TTN: variants seen among roughly 807,000 people sequenced by gnomAD.
The protein encoded by TTN is connectin.
TTN carries 1,525 observed loss-of-function variants against 3,223.0 expected under a neutral mutation model. That is an observed-to-expected ratio of 0.47 (90% confidence interval 0.45 to 0.49). The LOEUF (loss-of-function observed/expected upper bound fraction) is 0.49, where lower values mean the gene tolerates loss of function less well. TTN is among the 20% of genes least tolerant of loss of function. The pLI is 0.00. For synonymous variants in TTN, 14,094 were observed against 15,161.0 expected (o/e 0.93, Z 5.17); for missense variants, 40,786 against 43,424.0 (o/e 0.94, Z 5.40).
At position 178,531,804 on chromosome 2, in the gene TTN, T is replaced by C; in HGVS notation, c.104811A>G (p.Thr34937=). Residue 34937 remains threonine, a synonymous_variant, in exon 358 of 363, where the codon ACA becomes ACG. Coordinates refer to ENST00000589042, the MANE Select transcript of TTN (RefSeq NM_001267550.2). ...GTGTGATTCGAGGGGCATGGTCCAG[T>C]GTGAAAGGCTGCTGACTCAAAACTT... The part of the protein sequence containing the change: ...KYEVLSQQPF[T]LDHAPRITLR... 6.2e-7 allele frequency: 1 copy of C among 1,614,004 alleles called. No homozygotes were observed.
rs746052197 is a variant in TTN at position 178,757,892 on chromosome 2, G to A, written c.10328C>T (p.Thr3443Ile). The A allele has an allele frequency of 6.6e-6, 10 of 1,522,496 alleles. No individual in the cohort carries two copies. Among genetic ancestry groups the A allele is most frequent in the Non-Finnish European group, 7.9e-6 (9 of 1,137,730 alleles). The allele number at this position is 1,522,496 out of a possible 1,614,324, so 94.3% of individuals were successfully genotyped here. Residue 3443 changes from threonine (T) to isoleucine (I), a missense_variant, in exon 45 of 363, where the codon ACA becomes ATA. Thr to Ile is a moderately conservative substitution (Grantham distance 89). Transcript: ENST00000589042. Reference sequence around the variant, plus strand: ...AGAGACATGCCATTGGGAGTTTGATGTATTTTCTTCAAATTTGCTAAATCC... The same window carrying A: ...AGAGACATGCCATTGGGAGTTTGATATATTTTCTTCAAATTTGCTAAATCC... The part of the protein sequence containing the change: ...LEGFSKFEEN[T>I]SNSQWHVSLS...
chr2:178,734,749 C>T lies in TTN; in HGVS notation c.15175G>A (p.Asp5059Asn), dbSNP rs770418360. 1.4e-5 allele frequency: 23 copies of T among 1,612,792 alleles called. No individual in the cohort carries two copies. In the Admixed American group the frequency reaches 3.8e-4, roughly 27 times the overall value. ...GTACTGCAGCTATCACTGCCGACGT[C>T]ATTCACTGCTTCACATGAGTAACTC... ...SGSYSCEAVN[D>N]VGSDSCSTEI... The change falls in exon 51 of 363, where the codon GAC becomes AAC. Residue 5059 changes from aspartate to asparagine, a missense_variant. Physicochemically the swap from Asp to Asn is conservative, Grantham distance 23. Coordinates refer to ENST00000589042, the MANE Select transcript of TTN (RefSeq NM_001267550.2).
intron 142 of TTN, 25 bp downstream of exon 142, chr2:178,679,314 C>T: frequency 6.2e-7 from 1 of 1,609,428 alleles, no homozygotes; most frequent in Admixed American, 1.7e-5. Context: ...TCATGCTATT[C>T]CACTGATGGA....
rs896263032 is a variant in TTN at position 178,633,563 on chromosome 2, C to T, written c.42796G>A (p.Gly14266Ser). The T allele has an allele frequency of 1.2e-6, 2 of 1,613,252 alleles. No homozygotes were observed. The highest frequency in any genetic ancestry group is 1.7e-6 in the Non-Finnish European group (2 of 1,179,616). Residue 14266 changes from glycine to serine, a missense_variant, in exon 232 of 363, where the codon GGT becomes AGT. Physicochemically the swap from Gly to Ser is moderately conservative, Grantham distance 56. Transcript: ENST00000589042. Reference protein sequence around the residue: ...KDVPVKWFKDGEEIVPSPKYS... With the variant: ...KDVPVKWFKDSEEIVPSPKYS... The stretch of plus-strand genomic sequence containing the variant: ...TTGGGTGAAGGGACAATCTCTTCAC[C>T]ATCTTTGAACCATTTCACTGGTACA...
In TTN at chr2:178,543,336, C is replaced by T. The variant is rs764561909; in HGVS notation, c.96637G>A (p.Asp32213Asn). The change falls in exon 347 of 363, where the codon GAT becomes AAT. Residue 32213 changes from aspartate (D) to asparagine (N), a missense_variant. Transcript: ENST00000589042. Reference sequence around the variant, plus strand: ...AGGGTAACAGTGGATTTGGTGACATCGACCACTTCTAGCTTTGCAGGCACC... The same window carrying T: ...AGGGTAACAGTGGATTTGGTGACATTGACCACTTCTAGCTTTGCAGGCACC... ...PLVPAKLEVV[D>N]VTKSTVTLAW... The T allele has an allele frequency of 7.1e-5, 115 of 1,613,710 alleles. No homozygotes were observed. Among genetic ancestry groups the T allele is most frequent in the South Asian group, 1.1e-4 (10 of 91,084 alleles).
intron 125 of TTN, 48 bp downstream of exon 125, chr2:178,689,003 ATT>A (rs35770337): frequency 0.14 from 136,271 of 968,308 alleles, 9 homozygotes; most frequent in Non-Finnish European, 0.16. Context: ...ACACTCGAAG[ATT>A]TTTTTTTTTT....
intron 251 of TTN, 23 bp downstream of exon 251, chr2:178,618,561 G>A (rs1159466405): frequency 6.2e-6 from 10 of 1,608,294 alleles, no homozygotes; most frequent in Admixed American, 1.7e-5. Context: ...TGCCAATTAA[G>A]TCTGAGAGAC....
rs2063962357 is a variant in TTN, at chr2:178,657,590, A to ATAT, written c.37955-12_37955-10dup. 6.5e-7 allele frequency: 1 copy of ATAT among 1,547,562 alleles called. No individual in the cohort carries two copies. The highest frequency in any genetic ancestry group is 8.6e-7 in the Non-Finnish European group (1 of 1,156,380). ...TTTGGGAGCCTCTGGCACTTAAAAG[A>ATAT]TATTAGTAAAGTTACATGTGGAGCT... On this transcript the variant is annotated splice_polypyrimidine_tract_variant and intron_variant, in intron 188 of 362. Coordinates refer to ENST00000589042, the MANE Select transcript of TTN (RefSeq NM_001267550.2).
Position 178,799,881 on chromosome 2 carries a change from T to C in TTN, c.613A>G (p.Lys205Glu), listed in dbSNP as rs763768455. 4.3e-6 allele frequency: 7 copies of C among 1,614,144 alleles called. No homozygotes were observed. The highest frequency in any genetic ancestry group is 5.1e-6 in the Non-Finnish European group (6 of 1,180,006). The change falls in exon 5 of 363, where the codon AAG becomes GAG. Residue 205 changes from lysine to glutamate, a missense_variant. Physicochemically the swap from Lys to Glu is moderately conservative, Grantham distance 56. Coordinates refer to ENST00000589042, the MANE Select transcript of TTN (RefSeq NM_001267550.2). ...GEEEVPAKKTKTIVSTAQISE... is the reference protein window; with the variant it reads ...GEEEVPAKKTETIVSTAQISE... ...ATCTGAGCAGTCGAAACAATTGTCT[T>C]TGTCTTTTTAGCAGGTACTTCTTCT...
rs753979186 is a variant in TTN, at chr2:178,619,589, T to G, written c.46696+32A>C. The G allele has an allele frequency of 1.5e-5, 24 of 1,600,502 alleles. No homozygotes were observed. In the East Asian group the frequency reaches 4.7e-4, roughly 31 times the overall value. On this transcript the variant is annotated intron_variant, in intron 250 of 362. Coordinates refer to ENST00000589042, the MANE Select transcript of TTN (RefSeq NM_001267550.2). ...AATCTGAAATCTAAACTCTGTGATA[T>G]TGGAAGGATATTTTAAAATAAAGGG...
chr2:178,726,784 G>T (rs965549872), intron 69 of TTN: 4 of 237,598 alleles, frequency 1.7e-5, no homozygotes, highest in Non-Finnish European at 3.2e-5. Context: ...GAAAGCAAAA[G>T]ACTAATTTTA....
Position 178,531,064 on chromosome 2 carries a change from G to C in TTN, c.105551C>G (p.Ser35184Ter). ...RHQVTTTKYK[S>*]TFEISSVQAS... is the part of the protein sequence containing the mutation. ...CTGGACTGAAGAGATCTCAAAGGTT[G>C]ATTTGTACTTTGTGGTGGTCACTTG... is the stretch of plus-strand genomic sequence containing the variant. Residue 35184 changes from serine to a stop codon, truncating the protein, a stop_gained, in exon 358 of 363, where the codon TCA (serine) becomes TGA (stop). Coordinates refer to ENST00000589042, the MANE Select transcript of TTN (RefSeq NM_001267550.2). LOFTEE classifies it high-confidence loss of function. 1 of 1,613,992 alleles carries C rather than the reference G, an allele frequency of 6.2e-7. No individual in the cohort carries two copies. Among genetic ancestry groups the C allele is most frequent in the Non-Finnish European group, 8.5e-7 (1 of 1,179,878 alleles).
At chr2:178,695,837 G>A in intron 114 of TTN, 28 bp downstream of exon 114, 1 of 1,364,808 alleles carries the variant, frequency 7.3e-7, no homozygotes, top group Non-Finnish European at 9.5e-7. Flanking sequence ...AAGAAAAGAG[G>A]GAAACAAGTC....
Position 178,669,615 on chromosome 2 carries a change from T to A in TTN, c.35447A>T (p.Lys11816Met), listed in dbSNP as rs1042350613. Residue 11816 changes from lysine to methionine, a missense_variant, in exon 158 of 363, where the codon AAG becomes ATG. Lys to Met is a moderately conservative substitution (Grantham distance 95). Coordinates refer to ENST00000589042, the MANE Select transcript of TTN (RefSeq NM_001267550.2). ...EEKVREAVLK[K>M]PEVPPAKVPG... ...ACCTTTAGCTGGTGGAACTTCAGGC[T>A]TTTTCAGAACAGCTTCACGAACTTT... 31 of 1,612,360 alleles carry A rather than the reference T, an allele frequency of 1.9e-5. No homozygotes were observed. Among genetic ancestry groups the A allele is most frequent in the Non-Finnish European group, 2.4e-5 (28 of 1,179,670 alleles).
Position 178,689,312 on chromosome 2 carries a change from T to C in TTN, c.31989A>G (p.Glu10663=), listed in dbSNP as rs1276917315. 3.1e-6 allele frequency: 5 copies of C among 1,613,314 alleles called. No individual in the cohort carries two copies. The highest frequency in any genetic ancestry group is 4.2e-6 in the Non-Finnish European group (5 of 1,179,766). Residue 10663 remains glutamate (E), a synonymous_variant, in exon 124 of 363, where the codon GAA becomes GAG. Coordinates refer to ENST00000589042, the MANE Select transcript of TTN (RefSeq NM_001267550.2). ...TACCTTTTGGTGGTGGTGGAACTTC[T>C]TCCTCCTTCCGAGGAACAGGTTTCC... The part of the protein sequence containing the change: ...EERKPVPRKE[E]EVPPPPKVPA...
At position 178,773,692 on chromosome 2, in the gene TTN, T is replaced by C. The variant is rs2091854692; in HGVS notation, c.7364A>G (p.Asn2455Ser). The change falls in exon 32 of 363, where the codon AAT becomes AGT. Residue 2455 changes from asparagine (N) to serine (S), a missense_variant. Transcript: ENST00000589042. ...CACAGCCTTGGTGCCTTCAATCACATTAACATCTTTTAGAGGTGTTATCAC... is the reference window on the plus strand; with the variant it reads ...CACAGCCTTGGTGCCTTCAATCACACTAACATCTTTTAGAGGTGTTATCAC... ...VDVITPLKDV[N>S]VIEGTKAVLE... 1.9e-6 allele frequency: 3 copies of C among 1,613,950 alleles called. No individual in the cohort carries two copies. The highest frequency in any genetic ancestry group is 2.5e-6 in the Non-Finnish European group (3 of 1,179,978).
chr2:178,691,881 C>T, intron 121 of TTN, 135 bp downstream of exon 121: 1 of 612,220 alleles, frequency 1.6e-6, no homozygotes, highest in Non-Finnish European at 2.7e-6. Flanking sequence ...GGCACGGAAG[C>T]TGACAAACAG....
At chr2:178,528,158 C>T (rs1187409943) in intron 361 of TTN, 116 bp downstream of exon 361, 2 of 1,189,330 alleles carry the variant, frequency 1.7e-6, no homozygotes, top group Non-Finnish European at 2.3e-6. Flanking sequence ...GTTGGCTGTC[C>T]CTCTTTCACA....
At chr2:178,713,866 G>T (rs1040848936) in intron 92 of TTN, 31 bp downstream of exon 92, 2 of 1,605,050 alleles carry the variant, frequency 1.2e-6, no homozygotes, top group African/African-American at 2.7e-5. Context: ...TTATTATAAT[G>T]ATGAAGGAAA....
Sources: gnomAD v4.1 joint callset for allele counts on GRCh38, gnomAD v4.1.1 for gene constraint, MANE v1.5 for transcripts, NCBI Gene and HGNC (gene_info 2026-07-23, HGNC 2026-07-21) for gene names.